Variants in CPED1 observed in about 807,000 individuals in gnomAD.
The protein encoded by CPED1 is cadherin-like and PC-esterase domain-containing protein 1.
A neutral mutation model predicts 128.2 loss-of-function variants in CPED1; 114 were observed. That is an observed-to-expected ratio of 0.89 (90% CI 0.76 to 1.04). The LOEUF is 1.04. Ranked by LOEUF, CPED1 falls within the 50% of genes least tolerant of loss-of-function variation. The pLI is 0.00. For synonymous variants in CPED1, 462 were observed against 426.7 expected, an observed-to-expected ratio of 1.08 and a Z score of -1.02; for missense variants, 1,211 against 1,207.1, an observed-to-expected ratio of 1.00 and a Z score of -0.05.
At chr7:121,169,126 T>C (rs1796596667) in intron 16 of CPED1, among the ~76,000 whole-genome samples, 1 of 152,218 alleles carries the variant, frequency 6.6e-6, no homozygotes. Context: ...TCAGAATGCA[T>C]GTATAAATGA....
rs1224214941 is a variant in CPED1, at chr7:121,266,809, G to A, written c.2633+1G>A. 6.3e-7 allele frequency: 1 copy of A among 1,598,736 alleles called. No individual in the cohort carries two copies. The highest frequency in any genetic ancestry group is 2.2e-5 in the East Asian group (1 of 44,744). ...AAATTATTCACAAAGTTTTGAAGAGGTAAATGTCTGCAACAATAATTGTCA... is the reference window on the plus strand; with the variant it reads ...AAATTATTCACAAAGTTTTGAAGAGATAAATGTCTGCAACAATAATTGTCA... On this transcript the variant is annotated splice_donor_variant, in intron 20 of 22. Transcript: ENST00000310396. LOFTEE classifies it high-confidence loss of function.
chr7:120,989,392 T>G lies in CPED1; in HGVS notation c.-230T>G. The stretch of plus-strand genomic sequence containing the variant: ...TTTGATGTCTTTTTTTAAACTCAGG[T>G]CATCCACTTTTGACTGTCATCCATG... On this transcript the variant is annotated splice_region_variant and 5_prime_UTR_variant, in exon 2 of 23. Coordinates refer to ENST00000310396, the MANE Select transcript of CPED1 (RefSeq NM_024913.5). 1.9e-6 allele frequency: 1 copy of G among 538,000 alleles called. No individual in the cohort carries two copies. The highest frequency in any genetic ancestry group is 2.2e-5 in the South Asian group (1 of 46,188). The allele number at this position is 538,000 out of a possible 1,614,324, so 33.3% of individuals were successfully genotyped here. A position where few individuals can be genotyped will look rare whatever the true frequency, so the allele number is the denominator to read the frequency against.
chr7:121,241,187 CA>C lies in CPED1; in HGVS notation c.2174-3004del, dbSNP rs796897525. 1.8e-3 allele frequency among the ~76,000 whole-genome samples: 161 copies of C among 90,612 alleles called. 7 individuals carry two copies. The East Asian group carries it at 0.031, about 17-fold the overall frequency. 59.4% of individuals were successfully genotyped at this position (90,612 alleles called of 152,430 possible). On this transcript the variant is annotated intron_variant, in intron 17 of 22. Transcript: ENST00000310396. ...TGAAACCCCGTCTCTACTAAAAATA[CA>C]AAAAAAAAAATTAGCCGGGCGTAGT...
At chr7:121,217,109 T>C (rs920155201) in intron 16 of CPED1, among the ~76,000 whole-genome samples, 1 of 151,988 alleles carries the variant, frequency 6.6e-6, no homozygotes, top group African/African-American at 2.4e-5. Flanking sequence ...CAAGCTGGAA[T>C]GCAGTGCAGT....
chr7:120,991,608 C>T (rs916684967), intron 2 of CPED1, among the ~76,000 whole-genome samples: 1 of 152,136 alleles, frequency 6.6e-6, no homozygotes, highest in Non-Finnish European at 1.5e-5. Context: ...CTGTGTGATT[C>T]CTACTTTGTT....
In CPED1 at chr7:121,140,505, T is replaced by C. The variant is rs576761584; in HGVS notation, c.1700-322T>C. Among the ~76,000 whole-genome samples the C allele has an allele frequency of 1.9e-3, 284 of 152,186 alleles. 1 individual carries two copies. Among genetic ancestry groups the C allele is most frequent in the African/African-American group, 6.4e-3 (264 of 41,548 alleles). ...TGCTTGATATATGCAGTAAATATCA[T>C]GAAAATGTTATCAATCCACAGGAGA... On this transcript the variant is annotated intron_variant, in intron 14 of 22. Transcript: ENST00000310396.
intron 5 of CPED1, among the ~76,000 whole-genome samples, chr7:121,078,195 C>A (rs1326712781): frequency 6.6e-6 from 1 of 152,022 alleles, no homozygotes; most frequent in Non-Finnish European, 1.5e-5. Flanking sequence ...TAGGTGTGCA[C>A]CACCACACCC....
intron 7 of CPED1, among the ~76,000 whole-genome samples, chr7:121,111,147 C>T (rs1471059557): frequency 6.6e-6 from 1 of 152,100 alleles, no homozygotes; most frequent in Non-Finnish European, 1.5e-5. Context: ...AGCAGCTTAC[C>T]TGTTGAGGCT....
intron 16 of CPED1, among the ~76,000 whole-genome samples, 188 bp downstream of exon 16, chr7:121,142,329 G>A (rs992124285): frequency 2.6e-5 from 4 of 151,960 alleles, no homozygotes; most frequent in African/African-American, 9.7e-5. Flanking sequence ...TTTCTTTTTA[G>A]TGTGATGGCT....
rs34638154 is a variant in CPED1 at position 121,141,300 on chromosome 7, A to G, written c.1886+287A>G. 0.1 allele frequency among the ~76,000 whole-genome samples: 15,713 copies of G among 152,098 alleles called. 861 individuals are homozygous for G. Among genetic ancestry groups the G allele is most frequent in the South Asian group, 0.17 (803 of 4,822 alleles). On this transcript the variant is annotated intron_variant, in intron 15 of 22. Transcript: ENST00000310396. ...TCTTCATGTTTTAACATTCTCGAAGATGTCAAGTTTTTGAATATTCAAAAA... is the reference window on the plus strand; with the variant it reads ...TCTTCATGTTTTAACATTCTCGAAGGTGTCAAGTTTTTGAATATTCAAAAA...
At chr7:121,206,905 G>A (rs986309337) in intron 16 of CPED1, among the ~76,000 whole-genome samples, 1 of 151,876 alleles carries the variant, frequency 6.6e-6, no homozygotes, top group Non-Finnish European at 1.5e-5. Context: ...TAAAAGTTGA[G>A]GGCATATTCT....
chr7:121,266,905 C>G, intron 20 of CPED1, 97 bp downstream of exon 20: 1 of 857,322 alleles, frequency 1.2e-6, no homozygotes, highest in East Asian at 2.6e-5. Flanking sequence ...TAAAGAACAA[C>G]TTATAATTTA....
chr7:121,058,452 C>A (rs971209188), intron 4 of CPED1, among the ~76,000 whole-genome samples: 1 of 152,098 alleles, frequency 6.6e-6, no homozygotes, highest in African/African-American at 2.4e-5. Flanking sequence ...GTATAAATGA[C>A]AAATAATAAT....
chr7:121,287,509 A>G lies in CPED1; in HGVS notation c.2869-7931A>G, dbSNP rs565741721. ...AAGCACCAAGTTTGTAACCACTAGC[A>G]CTCCTTCAGTTCCCTGATGGTAGAT... On this transcript the variant is annotated intron_variant, in intron 22 of 22. Transcript: ENST00000310396. Among the ~76,000 whole-genome samples the G allele has an allele frequency of 3.3e-5, 5 of 151,914 alleles. No individual in the cohort carries two copies. In the South Asian group the frequency reaches 1.0e-3, roughly 32 times the overall value.
At chr7:121,054,339 C>G (rs1793437493) in intron 4 of CPED1, among the ~76,000 whole-genome samples, 1 of 152,184 alleles carries the variant, frequency 6.6e-6, no homozygotes, top group Admixed American at 6.5e-5. Flanking sequence ...ACTTCTTTCT[C>G]AGACAGTGAG....
chr7:121,053,365 G>A (rs79537508), intron 4 of CPED1, among the ~76,000 whole-genome samples: 2,302 of 152,112 alleles, frequency 0.015, 29 homozygotes, highest in Non-Finnish European at 0.024. Context: ...CTGGTCAGGT[G>A]TTTTGTGGAA....
At chr7:121,224,787 C>CTTTTTTTTTTTTTTTTT (rs143087799) in intron 16 of CPED1, among the ~76,000 whole-genome samples, 14 of 56,252 alleles carry the variant, frequency 2.5e-4, no homozygotes, top group African/African-American at 9.9e-4. Flanking sequence ...GCAACCCCTG[C>CTTTTTTTTTTTTTTTTT]TTTTTTTTTT....
intron 2 of CPED1, among the ~76,000 whole-genome samples, chr7:121,001,299 T>C (rs1323966898): frequency 6.6e-6 from 1 of 152,166 alleles, no homozygotes. Flanking sequence ...TCTTCCCTCA[T>C]TTATTAAACA....
At chr7:121,226,841 A>G (rs913673418) in intron 16 of CPED1, among the ~76,000 whole-genome samples, 4 of 152,114 alleles carry the variant, frequency 2.6e-5, no homozygotes, top group African/African-American at 4.8e-5. Flanking sequence ...ATGTTTATTG[A>G]ATGTCTGATA....
Sources: gnomAD v4.1 joint callset for allele counts (sites outside exome capture counted in the v4.1 genomes callset) on GRCh38, gnomAD v4.1.1 for gene constraint, MANE v1.5 for transcripts, NCBI Gene and HGNC (gene_info 2026-07-23, HGNC 2026-07-21) for gene names.